C4orf50: variants seen among roughly 807,000 people sequenced by gnomAD.
C4orf50 encodes the protein chromosome 4 open reading frame 50.
C4orf50 carries 80 observed loss-of-function variants against 77.2 expected under a neutral mutation model. The ratio of observed to expected loss-of-function variants is 1.04; its 90% CI spans 0.87 to 1.25. The LOEUF is 1.25. C4orf50 is among the 50% of genes most tolerant of loss of function. The pLI, the probability that C4orf50 is intolerant of heterozygous loss-of-function variation, is 0.00. For missense variants in C4orf50, 1,257 were observed against 1,152.9 expected, an observed-to-expected ratio of 1.09 and a Z score of -1.31; for synonymous variants, 532 against 465.3, an observed-to-expected ratio of 1.14 and a Z score of -1.84.
Position 5,965,019 on chromosome 4 carries a change from C to T in C4orf50, c.4275+5G>A. On this transcript the variant is annotated splice_donor_5th_base_variant and intron_variant, in intron 33 of 33. Transcript: ENST00000531445. ...TAGGAAATGAGGTGACAGGTGCCTT[C>T]TCACCTTCAGAGAATCCAGTTGGGC... 5 of 1,609,868 alleles carry T rather than the reference C, an allele frequency of 3.1e-6. No individual in the cohort carries two copies. Among genetic ancestry groups the T allele is most frequent in the Non-Finnish European group, 3.4e-6 (4 of 1,178,158 alleles).
At position 5,916,332 on chromosome 4, in the gene C4orf50, A is replaced by T. The variant is rs539278228; in HGVS notation, c.*2475-18144T>A. On this transcript the variant is annotated intron_variant, in intron 7 of 7. Transcript: ENST00000324058. The surrounding 1 kb of genome is among the most constrained non-coding windows in gnomAD (Gnocchi z 4.4). ...TTTTTTGTCTGGGTGTTGACCAATCAACTAGGAGAGGGGTGGGGCTTAACC... is the reference window on the plus strand; with the variant it reads ...TTTTTTGTCTGGGTGTTGACCAATCTACTAGGAGAGGGGTGGGGCTTAACC... 1.3e-5 allele frequency among the ~76,000 whole-genome samples: 2 copies of T among 152,124 alleles called. No homozygotes were observed. Among genetic ancestry groups the T allele is most frequent in the African/African-American group, 4.8e-5 (2 of 41,414 alleles).
chr4:6,012,472 G>A (rs916255795), intron 23 of C4orf50, among the ~76,000 whole-genome samples: 8 of 152,086 alleles, frequency 5.3e-5, no homozygotes, highest in African/African-American at 9.7e-5. Flanking sequence ...GCTGTCTCCC[G>A]TTTTAGCTAC....
intron 7 of C4orf50, among the ~76,000 whole-genome samples, chr4:5,906,724 T>C (rs978029013): frequency 2.0e-5 from 3 of 152,178 alleles, no homozygotes; most frequent in Admixed American, 6.5e-5. Flanking sequence ...AGGGTGTTAG[T>C]GAGGAAGCCA....
At chr4:5,937,849 TA>T (rs1361530892) in intron 7 of C4orf50, among the ~76,000 whole-genome samples, 1 of 152,202 alleles carries the variant, frequency 6.6e-6, no homozygotes, top group Admixed American at 6.5e-5. Context: ...GGTTACTACC[TA>T]ATTGTAAAAC....
intron 7 of C4orf50, among the ~76,000 whole-genome samples, chr4:5,909,929 CA>C (rs1388108515): frequency 2.0e-5 from 3 of 152,152 alleles, no homozygotes; most frequent in Non-Finnish European, 4.4e-5. Context: ...ATTTTGAAGT[CA>C]GGGGGTGTGG....
rs1297087081 is a variant in C4orf50, at chr4:5,943,258, T to C, written c.*2474+13643A>G. Among the ~76,000 whole-genome samples the C allele has an allele frequency of 2.0e-5, 3 of 152,242 alleles. No homozygotes were observed. In the East Asian group the frequency reaches 5.8e-4, roughly 29 times the overall value. ...AAAGTGATCACATCTTTTCTAAAAC[T>C]GTTCTGAACACAACAGAACCGAACA... On this transcript the variant is annotated intron_variant, in intron 7 of 7. Coordinates refer to the C4orf50 transcript ENST00000324058.
rs1243059040 is a variant in C4orf50, at chr4:6,008,123, C to T, written c.836G>A (p.Arg279His). The T allele has an allele frequency of 7.5e-6, 3 of 398,946 alleles. No individual in the cohort carries two copies. Among genetic ancestry groups the T allele is most frequent in the East Asian group, 7.1e-5 (2 of 28,080 alleles). 24.7% of individuals were successfully genotyped at this position (398,946 alleles called of 1,614,324 possible). Reference sequence around the variant, plus strand: ...CAGCTTCAGCCCATAGATGCAGCAGCGCAGCTCCTCCAGCTGCCCGCGGAG... The same window carrying T: ...CAGCTTCAGCCCATAGATGCAGCAGTGCAGCTCCTCCAGCTGCCCGCGGAG... The change falls in exon 25 of 34, where the codon CGC becomes CAC. Residue 279 changes from arginine (R) to histidine (H), a missense_variant. Transcript: ENST00000531445. This position sits in a 1 kb window ranked among gnomAD's most constrained non-coding sequence, Gnocchi z 6.0.
chr4:5,967,288 C>T, intron 32 of C4orf50, 126 bp downstream of exon 10: 2 of 770,694 alleles, frequency 2.6e-6, no homozygotes, highest in East Asian at 2.4e-5. Context: ...AGAGGTGGGT[C>T]CTGTTCCTTT....
chr4:5,962,969 G>A (rs6842248), intron 33 of C4orf50, among the ~76,000 whole-genome samples: 51,966 of 150,562 alleles, frequency 0.35, 9,333 homozygotes, highest in African/African-American at 0.41. Context: ...TACTCCCTTC[G>A]CCTAAAATAT....
chr4:5,997,604 A>C (rs2108798485), intron 25 of C4orf50, among the ~76,000 whole-genome samples: 1 of 152,280 alleles, frequency 6.6e-6, no homozygotes, highest in South Asian at 2.1e-4. Context: ...CCTCAAGAAA[A>C]CATTTGCCTG....
intron 25 of C4orf50, among the ~76,000 whole-genome samples, chr4:6,004,433 T>G: frequency 8.1e-6 from 1 of 123,348 alleles, no homozygotes; most frequent in African/African-American, 3.2e-5. Flanking sequence ...GTGATGGTGG[T>G]GATGATGTGA....
rs148808823 is a variant in C4orf50, at chr4:5,915,402, G to A, written c.*2475-17214C>T. On this transcript the variant is annotated intron_variant, in intron 7 of 7. Coordinates refer to the C4orf50 transcript ENST00000324058. ...ATTAGCCAACCAACAGCTACTCCCA[G>A]TTCCTTTCTCCTTTGTCATCTCCTA... Among the ~76,000 whole-genome samples, 157 of 152,330 alleles carry A rather than the reference G, an allele frequency of 1.0e-3. 1 individual carries two copies. Among genetic ancestry groups the A allele is most frequent in the Non-Finnish European group, 1.2e-3 (82 of 68,036 alleles).
intron 7 of C4orf50, chr4:5,904,821 C>T (rs147447282): frequency 7.2e-5 from 11 of 152,342 alleles, no homozygotes; most frequent in African/African-American, 2.6e-4. Flanking sequence ...ATCAAGATAA[C>T]TACTACAGTG....
chr4:5,951,591 G>A (rs926245326), intron 7 of C4orf50, among the ~76,000 whole-genome samples: 5 of 152,232 alleles, frequency 3.3e-5, no homozygotes, highest in Admixed American at 6.5e-5. Flanking sequence ...TGAAATTTAC[G>A]GCCCTGTTAA....
rs977372427 is a variant in C4orf50 at position 5,905,420 on chromosome 4, G to A, written c.*2475-7232C>T. ...GAAGGATGTAAATATTTTCCAGCTT[G>A]CTATGTTTGCCCCTGTGCTGTCTTC... On this transcript the variant is annotated intron_variant, in intron 7 of 7. Coordinates refer to the C4orf50 transcript ENST00000324058. This position sits in a 1 kb window ranked among gnomAD's most constrained non-coding sequence, Gnocchi z 5.4. 75 of 152,312 alleles carry A rather than the reference G, an allele frequency of 4.9e-4. No homozygotes were observed. The highest frequency in any genetic ancestry group is 1.7e-3 in the African/African-American group (71 of 41,562). 9.4% of individuals were successfully genotyped at this position (152,312 alleles called of 1,614,324 possible).
At chr4:5,963,333 T>A (rs908536531) in intron 33 of C4orf50, among the ~76,000 whole-genome samples, 11 of 152,164 alleles carry the variant, frequency 7.2e-5, no homozygotes, top group African/African-American at 2.4e-4. Context: ...ATAAGGTAGA[T>A]TAAAATAAAA....
intron 7 of C4orf50, among the ~76,000 whole-genome samples, chr4:5,947,025 AAGGTCAC>A: frequency 6.6e-6 from 1 of 152,340 alleles, no homozygotes; most frequent in South Asian, 2.1e-4. Flanking sequence ...ACAGCCAGGG[AAGGTCAC>A]AGGCTTGGCC....
chr4:5,990,874 T>C (rs1173066891), intron 27 of C4orf50, 50 bp from the exon 6 acceptor site: 4 of 398,902 alleles, frequency 1.0e-5, no homozygotes, highest in African/African-American at 2.1e-5. Context: ...TTCCTCCATT[T>C]AGCACCCCCA....
chr4:5,967,329 C>G (rs1251343291), intron 32 of C4orf50, 85 bp downstream of exon 10: 3 of 1,048,594 alleles, frequency 2.9e-6, no homozygotes, highest in South Asian at 2.5e-5. Context: ...TGGGCATCTC[C>G]CCTCTGGCCC....
Sources: allele counts gnomAD v4.1 joint callset (sites outside exome capture counted in the v4.1 genomes callset), GRCh38; gene constraint gnomAD v4.1.1; non-coding constraint Gnocchi (gnomAD v3.1); transcripts MANE v1.5; gene names NCBI Gene and HGNC (gene_info 2026-07-23, HGNC 2026-07-21).